CDKAL1: variants seen among roughly 807,000 people sequenced by gnomAD.
CDKAL1 encodes the protein CDKAL1 threonylcarbamoyladenosine tRNA methylthiotransferase.
Under a neutral mutation model 68.2 loss-of-function variants are expected in CDKAL1, and 32 were observed. The ratio of observed to expected loss-of-function variants is 0.47; its 90% confidence interval spans 0.35 to 0.63. The LOEUF is 0.63. Ranked by LOEUF, CDKAL1 falls within the 30% of genes least tolerant of loss-of-function variation. CDKAL1 has a pLI of 0.00. For missense variants in CDKAL1, 606 were observed against 696.7 expected, an observed-to-expected ratio of 0.87 and a Z score of 1.47; for synonymous variants, 234 against 244.3, an observed-to-expected ratio of 0.96 and a Z score of 0.39.
At chr6:20,845,320 T>C (rs1291692942) in intron 8 of CDKAL1, among the ~76,000 whole-genome samples, 3 of 152,166 alleles carry the variant, frequency 2.0e-5, no homozygotes, top group Non-Finnish European at 4.4e-5. Context: ...TGTAACTGTG[T>C]CTTTTATTTT....
intron 8 of CDKAL1, among the ~76,000 whole-genome samples, chr6:20,828,403 AT>A (rs1296538999): frequency 6.6e-6 from 1 of 151,522 alleles, no homozygotes; most frequent in Non-Finnish European, 1.5e-5. Context: ...TAATTTTTGT[AT>A]TTTTAGTAGA....
intron 8 of CDKAL1, among the ~76,000 whole-genome samples, chr6:20,817,888 C>T (rs1193923950): frequency 1.3e-5 from 2 of 152,128 alleles, no homozygotes; most frequent in African/African-American, 4.8e-5. Context: ...TGCCTGATCT[C>T]AAGGAATGCT....
intron 13 of CDKAL1, among the ~76,000 whole-genome samples, chr6:21,160,411 C>T (rs962448425): frequency 2.6e-5 from 4 of 151,682 alleles, no homozygotes; most frequent in African/African-American, 9.7e-5. Flanking sequence ...GATTCTTCTG[C>T]TTCAGCCTCC....
intron 5 of CDKAL1, among the ~76,000 whole-genome samples, chr6:20,713,520 A>G (rs2127833297): frequency 6.6e-6 from 1 of 152,296 alleles, no homozygotes; most frequent in Non-Finnish European, 1.5e-5. Context: ...TGGATAATTC[A>G]TTGCCCCATA....
At chr6:20,976,260 G>A (rs1019369962) in intron 10 of CDKAL1, among the ~76,000 whole-genome samples, 2 of 152,040 alleles carry the variant, frequency 1.3e-5, no homozygotes, top group African/African-American at 4.8e-5. Context: ...TATCACTATA[G>A]TAGAATTCTC....
chr6:20,769,255 A>ATC (rs774319817), intron 7 of CDKAL1, among the ~76,000 whole-genome samples: 1 of 39,418 alleles, frequency 2.5e-5, no homozygotes, highest in African/African-American at 1.0e-4. Flanking sequence ...ACTTGTGATC[A>ATC]TCTTTTTTTT....
At position 20,566,967 on chromosome 6, in the gene CDKAL1, CTTAT is replaced by C. The variant is rs1253615353; in HGVS notation, c.286+18265_286+18268del. 2.0e-5 allele frequency among the ~76,000 whole-genome samples: 3 copies of C among 152,126 alleles called. 1 individual carries two copies. The highest frequency in any genetic ancestry group is 3.4e-3 in the Middle Eastern group (1 of 294). On this transcript the variant is annotated intron_variant, in intron 4 of 15. Transcript: ENST00000274695. ...CATCTACAGAAGCTTCTCCTTATTA[CTTAT>C]TTGTGTTCTTTCTACAGAGAATATA...
chr6:21,164,271 C>T (rs1562084691), intron 13 of CDKAL1, among the ~76,000 whole-genome samples: 2 of 151,962 alleles, frequency 1.3e-5, no homozygotes, highest in East Asian at 1.9e-4. Context: ...ATGAAAAGTA[C>T]ACAACCTTAT....
At position 20,539,237 on chromosome 6, in the gene CDKAL1, A is replaced by G. The variant is rs1305400331; in HGVS notation, c.-6+3843A>G. Among the ~76,000 whole-genome samples, 2 of 152,220 alleles carry G rather than the reference A, an allele frequency of 1.3e-5. No individual in the cohort carries two copies. Among genetic ancestry groups the G allele is most frequent in the Non-Finnish European group, 2.9e-5 (2 of 68,038 alleles). Reference sequence around the variant, plus strand: ...AGTCAGAAACTAATTTGGCATACTCAGAATATCTATATCCATATATTGCCC... The same window carrying G: ...AGTCAGAAACTAATTTGGCATACTCGGAATATCTATATCCATATATTGCCC... On this transcript the variant is annotated intron_variant, in intron 2 of 15. Transcript: ENST00000274695. This position sits in a 1 kb window ranked among gnomAD's most constrained non-coding sequence, Gnocchi z 4.3.
chr6:20,984,122 T>C (rs114118978), intron 10 of CDKAL1, among the ~76,000 whole-genome samples: 2,658 of 152,314 alleles, frequency 0.017, 83 homozygotes, highest in African/African-American at 0.061. Flanking sequence ...ACTCAGCACA[T>C]TGTCTAGCAC....
chr6:21,109,020 A>ACCC (rs1773993783), intron 13 of CDKAL1, among the ~76,000 whole-genome samples: 1 of 152,184 alleles, frequency 6.6e-6, no homozygotes, highest in African/African-American at 2.4e-5. Context: ...TGTCATTTAT[A>ACCC]CCCTACCTTC....
intron 7 of CDKAL1, among the ~76,000 whole-genome samples, chr6:20,776,237 G>A (rs746981035): frequency 8.5e-5 from 13 of 152,152 alleles, no homozygotes; most frequent in Non-Finnish European, 1.6e-4. Flanking sequence ...AGTCATTATT[G>A]AATTCTTGGC....
At chr6:21,014,696 A>T (rs1246608300) in intron 11 of CDKAL1, among the ~76,000 whole-genome samples, 1 of 151,780 alleles carries the variant, frequency 6.6e-6, no homozygotes, top group Non-Finnish European at 1.5e-5. Context: ...ATCTCTAAGT[A>T]TCTAATTATG....
chr6:21,157,770 G>A (rs1776716018), intron 13 of CDKAL1, among the ~76,000 whole-genome samples: 1 of 152,180 alleles, frequency 6.6e-6, no homozygotes, highest in Non-Finnish European at 1.5e-5. Flanking sequence ...CCTTGTTATG[G>A]AAAACTGGCA....
At chr6:20,968,450 C>T (rs915387561) in intron 10 of CDKAL1, among the ~76,000 whole-genome samples, 1 of 152,108 alleles carries the variant, frequency 6.6e-6, no homozygotes, top group Non-Finnish European at 1.5e-5. Flanking sequence ...TGAGCCACCG[C>T]ACCCAGCCAA....
At chr6:20,887,171 G>A (rs1270296711) in intron 9 of CDKAL1, among the ~76,000 whole-genome samples, 1 of 152,146 alleles carries the variant, frequency 6.6e-6, no homozygotes, top group Non-Finnish European at 1.5e-5. Context: ...AAGATTAACA[G>A]CACTAAATGT....
intron 4 of CDKAL1, among the ~76,000 whole-genome samples, chr6:20,573,675 C>T (rs111390952): frequency 1.0e-3 from 157 of 152,142 alleles, no homozygotes; most frequent in African/African-American, 3.4e-3. Context: ...TTAGATTATG[C>T]TTAATATATT....
At chr6:21,141,159 C>A (rs1333981899) in intron 13 of CDKAL1, among the ~76,000 whole-genome samples, 1 of 152,202 alleles carries the variant, frequency 6.6e-6, no homozygotes, top group Admixed American at 6.5e-5. Flanking sequence ...CCACTCCCCC[C>A]TTGCACGCTA....
chr6:20,650,974 A>G (rs1768736981), intron 5 of CDKAL1, among the ~76,000 whole-genome samples: 1 of 152,122 alleles, frequency 6.6e-6, no homozygotes, highest in African/African-American at 2.4e-5. Flanking sequence ...GTATAGTTTG[A>G]AGTTGGGTAG....
Sources: allele counts gnomAD v4.1 joint callset (sites outside exome capture counted in the v4.1 genomes callset), GRCh38; gene constraint gnomAD v4.1.1; non-coding constraint Gnocchi (gnomAD v3.1); transcripts MANE v1.5; gene names NCBI Gene and HGNC (gene_info 2026-07-23, HGNC 2026-07-21).